Variants in XKR4 observed in about 807,000 individuals in gnomAD.
XKR4 encodes the protein XK-related protein 4.
Under a neutral mutation model 53.9 loss-of-function variants are expected in XKR4, and 12 were observed. The observed-to-expected ratio is 0.22, with a 90% CI of 0.14 to 0.36. The LOEUF (loss-of-function observed/expected upper bound fraction) is 0.36. XKR4 is among the 10% of genes least tolerant of loss of function. The pLI is 1.00. For synonymous variants in XKR4, 354 were observed against 362.4 expected, an observed-to-expected ratio of 0.98 and a Z score of 0.26; for missense variants, 799 against 859.5, an observed-to-expected ratio of 0.93 and a Z score of 0.88.
At chr8:55,361,301 C>A (rs1218209900) in intron 2 of XKR4, among the ~76,000 whole-genome samples, 1 of 151,902 alleles carries the variant, frequency 6.6e-6, no homozygotes, top group Non-Finnish European at 1.5e-5. Flanking sequence ...GAGAGGAGGG[C>A]AGGCAGGAAG....
At chr8:55,331,436 G>A (rs553490104) in intron 1 of XKR4, among the ~76,000 whole-genome samples, 81 of 152,220 alleles carry the variant, frequency 5.3e-4, no homozygotes, top group Non-Finnish European at 9.6e-4. Flanking sequence ...ACCGTTGTTG[G>A]GTGGAGTTCA....
chr8:55,333,623 T>G (rs1457956926), intron 1 of XKR4, among the ~76,000 whole-genome samples: 1 of 152,138 alleles, frequency 6.6e-6, no homozygotes, highest in Non-Finnish European at 1.5e-5. Context: ...CCCCTTGCGA[T>G]TTTCTTGAGT....
Position 55,523,687 on chromosome 8 carries a change from G to A in XKR4, c.1413G>A (p.Leu471=), listed in dbSNP as rs1411056978. The change falls in exon 3 of 3, where the codon TTG becomes TTA. Residue 471 remains leucine (L), a synonymous_variant. Coordinates refer to ENST00000327381, the MANE Select transcript of XKR4 (RefSeq NM_052898.2). ...TGATCCTTTTGGAAAATACAGCCTTGAGTGCCCTCTGGTACCTCTACAAGG... is the reference window on the plus strand; with the variant it reads ...TGATCCTTTTGGAAAATACAGCCTTAAGTGCCCTCTGGTACCTCTACAAGG... ...YFVILLENTA[L]SALWYLYKAP... The A allele has an allele frequency of 2.5e-6, 4 of 1,614,046 alleles. No individual in the cohort carries two copies. Among genetic ancestry groups the A allele is most frequent in the Non-Finnish European group, 3.4e-6 (4 of 1,180,032 alleles).
intron 2 of XKR4, among the ~76,000 whole-genome samples, chr8:55,387,255 C>G (rs889163447): frequency 6.6e-6 from 1 of 152,230 alleles, no homozygotes; most frequent in African/African-American, 2.4e-5. Context: ...TCTCAGCCCT[C>G]TGGGCTGTCC....
At chr8:55,471,917 T>C (rs1291498840) in intron 2 of XKR4, among the ~76,000 whole-genome samples, 5 of 152,198 alleles carry the variant, frequency 3.3e-5, no homozygotes, top group Admixed American at 2.6e-4. Flanking sequence ...CCTGCAGAAC[T>C]GTGAGACAAT....
intron 1 of XKR4, among the ~76,000 whole-genome samples, chr8:55,240,705 A>G (rs1818198880): frequency 6.6e-6 from 1 of 152,216 alleles, no homozygotes; most frequent in Non-Finnish European, 1.5e-5. Context: ...CTGGAAGTCC[A>G]TTGCTAAAAA....
rs1806952817 is a variant in XKR4 at position 55,531,542 on chromosome 8, A to C, written c.*7315A>C. The C allele has an allele frequency of 6.6e-6, 1 of 152,188 alleles. No homozygotes were observed. Among genetic ancestry groups the C allele is most frequent in the South Asian group, 2.1e-4 (1 of 4,832 alleles). 9.4% of individuals were successfully genotyped at this position (152,188 alleles called of 1,614,324 possible). ...ACTAGATGACTGCTTATAAAGAGAA[A>C]AGTAATTTTATAATTTGTTTATATG... On this transcript the variant is annotated 3_prime_UTR_variant, in exon 3 of 3. Coordinates refer to ENST00000327381, the MANE Select transcript of XKR4 (RefSeq NM_052898.2).
At chr8:55,258,316 G>A (rs1250048632) in intron 1 of XKR4, among the ~76,000 whole-genome samples, 1 of 152,204 alleles carries the variant, frequency 6.6e-6, no homozygotes, top group Admixed American at 6.5e-5. Context: ...CAGATGCAGT[G>A]AGTGATTAGG....
intron 1 of XKR4, among the ~76,000 whole-genome samples, chr8:55,235,488 G>C (rs921824494): frequency 1.3e-5 from 2 of 152,120 alleles, no homozygotes; most frequent in Admixed American, 1.3e-4. Context: ...AACAGTATTT[G>C]GTATGTTGTA....
intron 1 of XKR4, among the ~76,000 whole-genome samples, chr8:55,108,041 C>T (rs377109420): frequency 3.0e-4 from 46 of 152,136 alleles, no homozygotes; most frequent in African/African-American, 1.0e-3. Flanking sequence ...AAAATAAGCA[C>T]GATAGAAACA....
chr8:55,523,588 G>T lies in XKR4; in HGVS notation c.1314G>T (p.Gly438=). 6.2e-7 allele frequency: 1 copy of T among 1,614,188 alleles called. No homozygotes were observed. The highest frequency in any genetic ancestry group is 1.6e-4 in the Middle Eastern group (1 of 6,062). ...AGATTGTGTTCGACATGGTGGTGGG[G>T]ATTATCTATATCTTCAGTTGGTTCA... ...WEEIVFDMVV[G]IIYIFSWFNV... Residue 438 remains glycine (G), a synonymous_variant, in exon 3 of 3, where the codon GGG becomes GGT. Transcript: ENST00000327381.
At chr8:55,228,842 TAC>T (rs71256522) in intron 1 of XKR4, among the ~76,000 whole-genome samples, 86,231 of 149,924 alleles carry the variant, frequency 0.58, 26,743 homozygotes, top group East Asian at 0.74. Flanking sequence ...TGTGTGTATG[TAC>T]ACACACACAC....
chr8:55,519,209 A>G (rs1401961901), intron 2 of XKR4, among the ~76,000 whole-genome samples: 3 of 152,214 alleles, frequency 2.0e-5, no homozygotes, highest in African/African-American at 7.2e-5. Context: ...TCACATTTTA[A>G]GAGATAATAT....
chr8:55,476,438 T>A (rs973117946), intron 2 of XKR4, among the ~76,000 whole-genome samples: 3 of 152,136 alleles, frequency 2.0e-5, no homozygotes, highest in Admixed American at 1.3e-4. Flanking sequence ...TGAGCCAAGA[T>A]GGCCGAATAG....
At chr8:55,499,181 C>A (rs1317822129) in intron 2 of XKR4, among the ~76,000 whole-genome samples, 1 of 152,126 alleles carries the variant, frequency 6.6e-6, no homozygotes, top group Non-Finnish European at 1.5e-5. Context: ...CAAAGTTAAA[C>A]ATTAAATGTG....
intron 1 of XKR4, among the ~76,000 whole-genome samples, chr8:55,193,324 G>A (rs918649928): frequency 1.3e-5 from 2 of 151,310 alleles, no homozygotes; most frequent in Non-Finnish European, 2.9e-5. Flanking sequence ...CTTGTTTTTC[G>A]CTTGCTCCAG....
intron 1 of XKR4, among the ~76,000 whole-genome samples, chr8:55,148,510 C>A (rs573373735): frequency 6.6e-6 from 1 of 152,074 alleles, no homozygotes; most frequent in African/African-American, 2.4e-5. Flanking sequence ...ATGTTCAGAC[C>A]TAGAATGCAA....
intron 2 of XKR4, among the ~76,000 whole-genome samples, chr8:55,400,868 C>G (rs1234378180): frequency 1.3e-5 from 2 of 152,192 alleles, no homozygotes; most frequent in African/African-American, 2.4e-5. Flanking sequence ...GCCTCTCTCT[C>G]CAGGAAGACT....
At chr8:55,405,988 T>G (rs1804676234) in intron 2 of XKR4, among the ~76,000 whole-genome samples, 1 of 152,132 alleles carries the variant, frequency 6.6e-6, no homozygotes, top group African/African-American at 2.4e-5. Flanking sequence ...TTCCAAACCA[T>G]CAGTAAAACA....
Sources: gnomAD v4.1 joint callset for allele counts (sites outside exome capture counted in the v4.1 genomes callset) on GRCh38, gnomAD v4.1.1 for gene constraint, MANE v1.5 for transcripts, NCBI Gene and HGNC (gene_info 2026-07-23, HGNC 2026-07-21) for gene names.